RGS22: variants seen among roughly 807,000 people sequenced by gnomAD.
The protein encoded by RGS22 is regulator of G protein signaling 22, also known as regulator of G-protein signaling 22.
In RGS22, 148 loss-of-function variants were observed where a neutral mutation model predicts 172.9. The observed-to-expected ratio is 0.86, with a 90% confidence interval of 0.75 to 0.98. RGS22 has a LOEUF of 0.98. Ranked by LOEUF, RGS22 falls within the 50% of genes least tolerant of loss-of-function variation. RGS22 has a pLI of 0.00. For missense variants in RGS22, 1,347 were observed against 1,440.8 expected (o/e 0.93, Z 1.05); for synonymous variants, 458 against 480.2 (o/e 0.95, Z 0.60).
rs1425667798 is a variant in RGS22 at position 100,051,642 on chromosome 8, T to C, written c.1689+1160A>G. On this transcript the variant is annotated intron_variant, in intron 10 of 27. Coordinates refer to ENST00000360863, the MANE Select transcript of RGS22 (RefSeq NM_015668.5). ...ACATATATAAATATATATTTATATATGTTTATACATATATAAATATATATT... is the reference window on the plus strand; with the variant it reads ...ACATATATAAATATATATTTATATACGTTTATACATATATAAATATATATT... 7.2e-4 allele frequency among the ~76,000 whole-genome samples: 28 copies of C among 39,044 alleles called. 6 individuals are homozygous for C. Among genetic ancestry groups the C allele is most frequent in the Admixed American group, 2.1e-3 (4 of 1,882 alleles). The allele number at this position is 39,044 out of a possible 152,430, so 25.6% of individuals were successfully genotyped here. A position where few individuals can be genotyped will look rare whatever the true frequency, so the allele number is the denominator to read the frequency against.
rs1817247400 is a variant in RGS22 at position 100,018,432 on chromosome 8, AC to A, written c.2167-9864del. ...GAAAAAAATTAGAATAAATGAAGAC[AC>A]ACACACACACACACAAAAGAGGGTA... On this transcript the variant is annotated intron_variant, in intron 14 of 27. Coordinates refer to ENST00000360863, the MANE Select transcript of RGS22 (RefSeq NM_015668.5). Among the ~76,000 whole-genome samples, 5 of 21,850 alleles carry A rather than the reference AC, an allele frequency of 2.3e-4. No individual in the cohort carries two copies. In the Admixed American group the frequency reaches 2.8e-3, roughly 12 times the overall value. The allele number at this position is 21,850 out of a possible 152,430, so 14.3% of individuals were successfully genotyped here.
chr8:100,001,628 T>C (rs1385869582), intron 18 of RGS22, among the ~76,000 whole-genome samples: 3 of 152,220 alleles, frequency 2.0e-5, no homozygotes, highest in Non-Finnish European at 2.9e-5. Context: ...TCCAACAAAA[T>C]GTTCAAACTG....
intron 11 of RGS22, chr8:100,046,410 T>C (rs1199396887): frequency 6.6e-6 from 1 of 151,892 alleles, no homozygotes; most frequent in African/African-American, 2.4e-5. Flanking sequence ...TTCACTTGTT[T>C]TATCACTTGA....
intron 6 of RGS22, among the ~76,000 whole-genome samples, chr8:100,067,360 C>T (rs917831400): frequency 2.6e-5 from 4 of 152,068 alleles, no homozygotes; most frequent in African/African-American, 9.7e-5. Context: ...ACTTTTGTTC[C>T]CCTTTTCCTT....
At chr8:100,052,299 A>C (rs1339025161) in intron 10 of RGS22, among the ~76,000 whole-genome samples, 1 of 142,844 alleles carries the variant, frequency 7.0e-6, no homozygotes, top group Non-Finnish European at 1.5e-5. Flanking sequence ...ATTTATATTT[A>C]TATGTTTTCT....
chr8:100,073,833 C>A (rs1171382434), intron 4 of RGS22, among the ~76,000 whole-genome samples: 4 of 151,808 alleles, frequency 2.6e-5, no homozygotes, highest in African/African-American at 9.7e-5. Context: ...GTTTTTGTAC[C>A]TATGTGACCT....
chr8:100,007,574 A>G (rs1815861129), intron 15 of RGS22, among the ~76,000 whole-genome samples: 2 of 152,188 alleles, frequency 1.3e-5, no homozygotes. Context: ...CCATAGGTGT[A>G]ATATTAACTG....
intron 21 of RGS22, among the ~76,000 whole-genome samples, chr8:99,982,715 T>A (rs1054542727): frequency 1.3e-5 from 2 of 152,228 alleles, no homozygotes; most frequent in Non-Finnish European, 2.9e-5. Flanking sequence ...CCATTCTATA[T>A]CTTTTATTAT....
rs752673641 is a variant in RGS22, at chr8:100,063,859, T to C, written c.909A>G (p.Glu303=). 1.9e-6 allele frequency: 3 copies of C among 1,611,784 alleles called. No homozygotes were observed. Among genetic ancestry groups the C allele is most frequent in the Admixed American group, 1.7e-5 (1 of 59,604 alleles). The change falls in exon 8 of 28, where the codon GAA becomes GAG. Residue 303 remains glutamate (E), a synonymous_variant. Transcript: ENST00000360863. ...VYLEKKQDVD[E]SLTMHFSTCE... Reference sequence around the variant, plus strand: ...ATGTTGAGAAATGCATTGTCAGGCTTTCATCAACATCCTGTTTCTTTTCAA... The same window carrying C: ...ATGTTGAGAAATGCATTGTCAGGCTCTCATCAACATCCTGTTTCTTTTCAA...
At chr8:100,060,402 G>A (rs377049758) in intron 9 of RGS22, among the ~76,000 whole-genome samples, 14 of 102,924 alleles carry the variant, frequency 1.4e-4, no homozygotes, top group Non-Finnish European at 1.9e-4. Flanking sequence ...TTAGCTACGT[G>A]TATATATATA....
intron 16 of RGS22, 89 bp from the exon 17 acceptor site, chr8:100,004,187 C>CATT (rs1815423088): frequency 6.4e-6 from 9 of 1,417,094 alleles, no homozygotes; most frequent in Non-Finnish European, 8.3e-6. Flanking sequence ...AAAAATCAAC[C>CATT]ATTAGGCCAA....
intron 6 of RGS22, 131 bp from the exon 7 acceptor site, chr8:100,066,427 G>A: frequency 1.0e-5 from 7 of 674,296 alleles, no homozygotes; most frequent in South Asian, 6.9e-5. Context: ...ATCTCATGAA[G>A]GAAAATAAAA....
chr8:100,087,829 G>C (rs1283628978), intron 3 of RGS22, among the ~76,000 whole-genome samples: 1 of 152,052 alleles, frequency 6.6e-6, no homozygotes, highest in Non-Finnish European at 1.5e-5. Flanking sequence ...CTGTTTACTA[G>C]ATATATTCAC....
chr8:100,068,210 C>A (rs577900695), intron 6 of RGS22, among the ~76,000 whole-genome samples: 94 of 152,052 alleles, frequency 6.2e-4, no homozygotes, highest in Middle Eastern at 3.4e-3. Context: ...GCAACATAGA[C>A]CCCGTCTCTA....
In RGS22 at chr8:99,999,293, C is replaced by A; in HGVS notation, c.2918G>T (p.Ser973Ile). The change falls in exon 19 of 28, where the codon AGT becomes ATT. Residue 973 changes from serine (S) to isoleucine (I), a missense_variant. Coordinates refer to ENST00000360863, the MANE Select transcript of RGS22 (RefSeq NM_015668.5). ...CTTCTGACGTGCTGCAAACTGTTCA[C>A]TTGCAAGAAACAATGGCAGCCATAC... ...ENVWLPLFLASEQFAARQKIK... is the reference protein window; with the variant it reads ...ENVWLPLFLAIEQFAARQKIK... The A allele has an allele frequency of 6.2e-7, 1 of 1,613,876 alleles. No individual in the cohort carries two copies. Among genetic ancestry groups the A allele is most frequent in the Non-Finnish European group, 8.5e-7 (1 of 1,179,928 alleles).
At chr8:100,006,170 G>T in intron 15 of RGS22, 61 bp from the exon 16 acceptor site, 1 of 1,338,096 alleles carries the variant, frequency 7.5e-7, no homozygotes, top group East Asian at 2.3e-5. Flanking sequence ...AGTAACAGTG[G>T]GCTGAAAAAC....
intron 19 of RGS22, among the ~76,000 whole-genome samples, chr8:99,998,428 G>A (rs1164235382): frequency 1.3e-5 from 2 of 152,076 alleles, no homozygotes; most frequent in Non-Finnish European, 1.5e-5. Flanking sequence ...AGTCACAGCT[G>A]GGCACTGTGG....
chr8:100,045,366 GCATTCAC>G (rs1820604129), intron 11 of RGS22, among the ~76,000 whole-genome samples: 1 of 152,060 alleles, frequency 6.6e-6, no homozygotes, highest in South Asian at 2.1e-4. Flanking sequence ...ATACCCCGGA[GCATTCAC>G]CTAGGAAGCA....
At chr8:99,972,772 G>A (rs375595478) in intron 23 of RGS22, among the ~76,000 whole-genome samples, 143 of 152,242 alleles carry the variant, frequency 9.4e-4, no homozygotes, top group African/African-American at 3.2e-3. Flanking sequence ...GGTGGCTCAC[G>A]CCTGTAATCC....
Sources: allele counts gnomAD v4.1 joint callset (sites outside exome capture counted in the v4.1 genomes callset), GRCh38; gene constraint gnomAD v4.1.1; transcripts MANE v1.5; gene names NCBI Gene and HGNC (gene_info 2026-07-23, HGNC 2026-07-21).